The following CDKL5 variants were observed in gnomAD, a reference collection of about 807,000 sequenced individuals.
CDKL5 encodes the protein cyclin dependent kinase like 5.
CDKL5 carries 8 observed loss-of-function variants against 61.7 expected under a neutral mutation model. The ratio of observed to expected loss-of-function variants is 0.13; its 90% CI spans 0.08 to 0.23. The LOEUF (loss-of-function observed/expected upper bound fraction) is 0.23. Ranked by LOEUF, CDKL5 falls within the 10% of genes least tolerant of loss-of-function variation. CDKL5 has a pLI of 1.00. For synonymous variants in CDKL5, 275 were observed against 272.3 expected (o/e 1.01, Z -0.10); for missense variants, 440 against 734.5 (o/e 0.60, Z 4.63).
intron 9 of CDKL5, among the ~76,000 whole-genome samples, chrX:18,591,841 G>A (rs1925842246): frequency 9.0e-6 from 1 of 111,513 alleles, no homozygotes; most frequent in Non-Finnish European, 1.9e-5. Flanking sequence ...TAGACTATTC[G>A]AGGGGAAACT....
intron 3 of CDKL5, among the ~76,000 whole-genome samples, chrX:18,538,687 A>G (rs1476494029): frequency 1.8e-5 from 2 of 111,685 alleles, no homozygotes; most frequent in African/African-American, 6.5e-5. Flanking sequence ...TGAAAAGTCT[A>G]TTCTCCCTCC....
At chrX:18,503,785 A>C (rs188960485) in intron 1 of CDKL5, among the ~76,000 whole-genome samples, 41 of 112,300 alleles carry the variant, frequency 3.7e-4, no homozygotes, top group African/African-American at 1.2e-3. Context: ...GGTGTTGCCC[A>C]GGCTGGAGTG....
At chrX:18,473,309 G>A (rs1468149700) in intron 1 of CDKL5, among the ~76,000 whole-genome samples, 1 of 110,841 alleles carries the variant, frequency 9.0e-6, no homozygotes, top group African/African-American at 3.3e-5. Context: ...GAAGTATCCT[G>A]GAGAGTTACA....
chrX:18,457,218 C>T (rs963269598), intron 1 of CDKL5, among the ~76,000 whole-genome samples: 4 of 111,103 alleles, frequency 3.6e-5, no homozygotes, highest in Non-Finnish European at 7.5e-5. Flanking sequence ...TCAGTGAGTT[C>T]TGCTTCTGTC....
At chrX:18,501,362 C>T (rs1374467301) in intron 1 of CDKL5, among the ~76,000 whole-genome samples, 2 of 105,082 alleles carry the variant, frequency 1.9e-5, no homozygotes, top group Non-Finnish European at 3.9e-5. Context: ...TTAGTAGAGA[C>T]GGGGTTGTAC....
intron 1 of CDKL5, among the ~76,000 whole-genome samples, chrX:18,429,414 G>A (rs1392392980): frequency 9.0e-6 from 1 of 111,344 alleles, no homozygotes; most frequent in African/African-American, 3.3e-5. Flanking sequence ...ACTGTGACAC[G>A]TAATTTATTT....
At chrX:18,519,278 A>G (rs1923162170) in intron 3 of CDKL5, among the ~76,000 whole-genome samples, 1 of 112,203 alleles carries the variant, frequency 8.9e-6, no homozygotes, top group Admixed American at 9.5e-5. Flanking sequence ...ACGGTTGAGT[A>G]GTTGTGATAG....
In CDKL5 at chrX:18,507,503, G is replaced by C. The variant is rs1458201580; in HGVS notation, c.64+343G>C. Among the ~76,000 whole-genome samples, 18 of 68,844 alleles carry C rather than the reference G, an allele frequency of 2.6e-4. No individual in the cohort carries two copies. The Admixed American group carries it at 3.0e-3, about 11-fold the overall frequency. 59.8% of individuals were successfully genotyped at this position (68,844 alleles called of 115,157 possible). A position where few individuals can be genotyped will look rare whatever the true frequency, so the allele number is the denominator to read the frequency against. ...TTCCTTAGTCTGCATTTTTTTTCTT[G>C]GTTCCATTTTATTTTTATATCAGCT... On this transcript the variant is annotated intron_variant, in intron 2 of 17. Coordinates refer to ENST00000623535, the MANE Select transcript of CDKL5 (RefSeq NM_001323289.2).
intron 1 of CDKL5, among the ~76,000 whole-genome samples, chrX:18,454,215 C>T (rs368496382): frequency 3.6e-5 from 4 of 111,284 alleles, no homozygotes; most frequent in African/African-American, 1.3e-4. Flanking sequence ...AACTATTTTG[C>T]CATAAAGCAT....
chrX:18,436,108 A>G (rs1205836487), intron 1 of CDKL5, among the ~76,000 whole-genome samples: 1 of 112,122 alleles, frequency 8.9e-6, no homozygotes, highest in Non-Finnish European at 1.9e-5. Context: ...ATATTCCTAC[A>G]GTAAAGTAAG....
intron 3 of CDKL5, among the ~76,000 whole-genome samples, chrX:18,563,753 CT>C (rs1358033428): frequency 1.8e-5 from 2 of 111,807 alleles, no homozygotes; most frequent in East Asian, 5.6e-4. Context: ...TTGCCAAAAG[CT>C]TTTTTATTCC....
At chrX:18,495,797 C>T (rs755295318) in intron 1 of CDKL5, among the ~76,000 whole-genome samples, 1 of 112,036 alleles carries the variant, frequency 8.9e-6, no homozygotes, top group Non-Finnish European at 1.9e-5. Context: ...ACTGCCTTCT[C>T]AGACAACCTT....
chrX:18,557,053 T>C (rs1052626736), intron 3 of CDKL5, among the ~76,000 whole-genome samples: 11 of 111,303 alleles, frequency 9.9e-5, no homozygotes, highest in Non-Finnish European at 1.1e-4. Flanking sequence ...ACTTTAGTTA[T>C]GAAGTTATAT....
At chrX:18,439,045 G>GCCCCCCCCCCCCC (rs367844172) in intron 1 of CDKL5, among the ~76,000 whole-genome samples, 100 of 37,465 alleles carry the variant, frequency 2.7e-3, no homozygotes, top group East Asian at 4.2e-3. Flanking sequence ...GCCCCTTTTT[G>GCCCCCCCCCCCCC]CCCCCCCCCC....
chrX:18,609,239 A>T (rs1445455894), intron 13 of CDKL5, among the ~76,000 whole-genome samples: 1 of 110,505 alleles, frequency 9.0e-6, no homozygotes, highest in Non-Finnish European at 1.9e-5. Flanking sequence ...CAAAAAGTTT[A>T]AAAAATTAGC....
At position 18,631,360 on chromosome X, in the gene CDKL5, T is replaced by C; in HGVS notation, c.*2603T>C. The stretch of plus-strand genomic sequence containing the variant: ...AGCTTTTGTCTGTTCTGACTTTTCA[T>C]CCAATAAGCTGTAAGTGAACTACAA... On this transcript the variant is annotated 3_prime_UTR_variant, in exon 18 of 18. Transcript: ENST00000623535. The C allele has an allele frequency of 1.3e-6, 1 of 753,100 alleles. No homozygotes were observed. The highest frequency in any genetic ancestry group is 2.3e-5 in the African/African-American group (1 of 43,398). 62.1% of individuals were successfully genotyped at this position (753,100 alleles called of 1,213,427 possible).
chrX:18,531,831 C>T (rs1321971761), intron 3 of CDKL5, among the ~76,000 whole-genome samples: 4 of 108,078 alleles, frequency 3.7e-5, no homozygotes, highest in African/African-American at 1.4e-4. Flanking sequence ...CTCAGCCTCC[C>T]GAGTAGCTGG....
At chrX:18,584,390 A>G in intron 8 of CDKL5, 37 bp downstream of exon 8, 3 of 860,870 alleles carry the variant, frequency 3.5e-6, no homozygotes, top group South Asian at 2.0e-5. Context: ...ACATTTCCAC[A>G]TCTGCTGATT....
intron 20 of CDKL5, among the ~76,000 whole-genome samples, chrX:18,649,642 A>G (rs926242556): frequency 8.9e-6 from 1 of 111,833 alleles, no homozygotes; most frequent in African/African-American, 3.2e-5. Flanking sequence ...GTACTCAAGT[A>G]CTCAAGAATG....
Sources: gnomAD v4.1 joint callset for allele counts (sites outside exome capture counted in the v4.1 genomes callset) on GRCh38, gnomAD v4.1.1 for gene constraint, MANE v1.5 for transcripts, NCBI Gene and HGNC (gene_info 2026-07-23, HGNC 2026-07-21) for gene names.